The following ZNF704 variants were observed in gnomAD, a reference collection of about 807,000 sequenced individuals.
ZNF704 encodes the protein glucocorticoid induced gene 1.
ZNF704 carries 10 observed loss-of-function variants against 44.7 expected under a neutral mutation model. That is an observed-to-expected ratio of 0.22 (90% confidence interval 0.14 to 0.38). ZNF704 has a LOEUF of 0.38. Ranked by LOEUF, ZNF704 falls within the 10% of genes least tolerant of loss-of-function variation. The pLI, the probability that ZNF704 is intolerant of heterozygous loss-of-function variation, is 1.00. For synonymous variants in ZNF704, 211 were observed against 207.6 expected (o/e 1.02, Z -0.14); for missense variants, 390 against 545.5 (o/e 0.71, Z 2.84).
At chr8:80,728,487 G>A (rs760021587) in intron 2 of ZNF704, among the ~76,000 whole-genome samples, 2 of 152,204 alleles carry the variant, frequency 1.3e-5, no homozygotes, top group Non-Finnish European at 2.9e-5. Flanking sequence ...ATTTTGTAAA[G>A]GAGGTGGGGG....
chr8:80,813,921 T>A (rs1189411171), intron 2 of ZNF704, among the ~76,000 whole-genome samples: 1 of 152,152 alleles, frequency 6.6e-6, no homozygotes, highest in African/African-American at 2.4e-5. Context: ...ACATCAATGT[T>A]ACTAGGGTTA....
intron 4 of ZNF704, among the ~76,000 whole-genome samples, chr8:80,672,313 G>C (rs7841261): frequency 0.15 from 23,112 of 152,122 alleles, 3,342 homozygotes; most frequent in African/African-American, 0.38. Context: ...ATATACACTG[G>C]TGACGGGAGT....
Position 80,655,884 on chromosome 8 carries a change from C to G in ZNF704, c.1032+3701G>C, listed in dbSNP as rs546241160. On this transcript the variant is annotated intron_variant, in intron 7 of 8. Coordinates refer to ENST00000327835, the MANE Select transcript of ZNF704 (RefSeq NM_001033723.3). ...AGCACTGCTATTTCAGCTTTGGAGACCCTCCCCAACAGCCTGAAGCCTCCT... is the reference window on the plus strand; with the variant it reads ...AGCACTGCTATTTCAGCTTTGGAGAGCCTCCCCAACAGCCTGAAGCCTCCT... Among the ~76,000 whole-genome samples, 3 of 152,288 alleles carry G rather than the reference C, an allele frequency of 2.0e-5. No individual in the cohort carries two copies. The East Asian group carries it at 5.8e-4, about 29-fold the overall frequency.
chr8:80,716,641 T>C lies in ZNF704; in HGVS notation c.222-23534A>G, dbSNP rs888577561. Reference sequence around the variant, plus strand: ...TCTAATTGCATGTTCAGAAAACTTCTAATACATGTTAAGTCCTTTAAACTG... The same window carrying C: ...TCTAATTGCATGTTCAGAAAACTTCCAATACATGTTAAGTCCTTTAAACTG... On this transcript the variant is annotated intron_variant, in intron 2 of 8. Transcript: ENST00000327835. 3.3e-5 allele frequency among the ~76,000 whole-genome samples: 5 copies of C among 152,372 alleles called. No individual in the cohort carries two copies. In the South Asian group the frequency reaches 6.2e-4, roughly 19 times the overall value.
At chr8:80,722,725 A>G (rs1238057447) in intron 2 of ZNF704, among the ~76,000 whole-genome samples, 1 of 152,058 alleles carries the variant, frequency 6.6e-6, no homozygotes, top group Non-Finnish European at 1.5e-5. Flanking sequence ...TTCTATGTAC[A>G]CTCTCTACTG....
At chr8:80,648,866 C>G (rs1817871553) in intron 7 of ZNF704, among the ~76,000 whole-genome samples, 1 of 152,208 alleles carries the variant, frequency 6.6e-6, no homozygotes, top group Admixed American at 6.5e-5. Flanking sequence ...GACTTGAACA[C>G]AGCTGGCCTT....
At chr8:80,752,210 C>T (rs978811187) in intron 2 of ZNF704, among the ~76,000 whole-genome samples, 2 of 151,934 alleles carry the variant, frequency 1.3e-5, no homozygotes, top group Non-Finnish European at 2.9e-5. Context: ...CACTACTTTG[C>T]AGTATTTCCT....
At chr8:80,655,294 C>G (rs1404214906) in intron 7 of ZNF704, among the ~76,000 whole-genome samples, 1 of 151,658 alleles carries the variant, frequency 6.6e-6, no homozygotes, top group African/African-American at 2.4e-5. Flanking sequence ...ATGTAACAAA[C>G]CTGCACGTTG....
chr8:80,779,609 G>C (rs183947514), intron 2 of ZNF704, among the ~76,000 whole-genome samples: 30 of 152,032 alleles, frequency 2.0e-4, no homozygotes, highest in African/African-American at 7.2e-4. Context: ...AAGGAAAATA[G>C]TATGTATTTC....
At chr8:80,717,588 G>A (rs1819091424) in intron 2 of ZNF704, among the ~76,000 whole-genome samples, 1 of 152,158 alleles carries the variant, frequency 6.6e-6, no homozygotes, top group Admixed American at 6.5e-5. Context: ...TGAACTCTAG[G>A]TTCTTTTGCT....
rs985765148 is a variant in ZNF704 at position 80,635,617 on chromosome 8, G to A, written c.*5749C>T. On this transcript the variant is annotated 3_prime_UTR_variant, in exon 9 of 9. Coordinates refer to ENST00000327835, the MANE Select transcript of ZNF704 (RefSeq NM_001033723.3). ...TATCTGTGATTCTGGTAGGTCAAGTGGTAAACTTGTCTTTGTGACACAGAA... is the reference window on the plus strand; with the variant it reads ...TATCTGTGATTCTGGTAGGTCAAGTAGTAAACTTGTCTTTGTGACACAGAA... 1.3e-5 allele frequency: 2 copies of A among 151,876 alleles called. No individual in the cohort carries two copies. The highest frequency in any genetic ancestry group is 4.8e-5 in the African/African-American group (2 of 41,338). 9.4% of individuals were successfully genotyped at this position (151,876 alleles called of 1,614,324 possible).
rs557798760 is a variant in ZNF704 at position 80,661,701 on chromosome 8, C to T, written c.928-2012G>A. ...AATAAGCTAGGCACTTGAAGATAAA[C>T]ATCACATGTTCTCACTCATATGTGG... is the stretch of plus-strand genomic sequence containing the variant. On this transcript the variant is annotated intron_variant, in intron 6 of 8. Coordinates refer to ENST00000327835, the MANE Select transcript of ZNF704 (RefSeq NM_001033723.3). Among the ~76,000 whole-genome samples the T allele has an allele frequency of 3.3e-5, 5 of 152,258 alleles. No homozygotes were observed. The South Asian group carries it at 8.3e-4, about 25-fold the overall frequency.
At chr8:80,845,773 T>G (rs1194362640) in intron 1 of ZNF704, among the ~76,000 whole-genome samples, 1 of 152,146 alleles carries the variant, frequency 6.6e-6, no homozygotes, top group Non-Finnish European at 1.5e-5. Flanking sequence ...TGTTAATGGC[T>G]TGAGCGATGC....
At chr8:80,690,037 T>C (rs1818605842) in intron 3 of ZNF704, among the ~76,000 whole-genome samples, 1 of 150,558 alleles carries the variant, frequency 6.6e-6, no homozygotes, top group Admixed American at 6.6e-5. Flanking sequence ...TGTGCAATAA[T>C]TCTAGAGAAA....
chr8:80,785,139 T>C (rs1807593797), intron 2 of ZNF704, among the ~76,000 whole-genome samples: 1 of 152,206 alleles, frequency 6.6e-6, no homozygotes, highest in African/African-American at 2.4e-5. Flanking sequence ...TCTTGCTGGC[T>C]GTGATGTTTC....
At chr8:80,659,539 A>G in intron 7 of ZNF704, 46 bp downstream of exon 7, 1 of 1,521,342 alleles carries the variant, frequency 6.6e-7, no homozygotes, top group South Asian at 1.1e-5. Context: ...AATTTAGTCT[A>G]CATTGGCTTT....
At position 80,749,156 on chromosome 8, in the gene ZNF704, A is replaced by G. The variant is rs558325266; in HGVS notation, c.222-56049T>C. 2.4e-4 allele frequency among the ~76,000 whole-genome samples: 36 copies of G among 152,264 alleles called. 1 individual carries two copies. The South Asian group carries it at 7.3e-3, about 31-fold the overall frequency. The stretch of plus-strand genomic sequence containing the variant: ...AATGACCAACAGCCTTCACCTCCCT[A>G]GTAGATCAGGAGCCCTTTATTTACT... On this transcript the variant is annotated intron_variant, in intron 2 of 8. Transcript: ENST00000327835.
intron 5 of ZNF704, among the ~76,000 whole-genome samples, chr8:80,665,451 A>G (rs950052249): frequency 1.3e-5 from 2 of 149,474 alleles, no homozygotes; most frequent in Non-Finnish European, 3.0e-5. Context: ...AAAGAAACAG[A>G]TATTAAGTGG....
At chr8:80,673,369 C>A (rs983011306) in intron 4 of ZNF704, 1 of 152,210 alleles carries the variant, frequency 6.6e-6, no homozygotes, top group South Asian at 2.1e-4. Flanking sequence ...GGAACCTCCA[C>A]TGACCTGACT....
Sources: gnomAD v4.1 joint callset for allele counts (sites outside exome capture counted in the v4.1 genomes callset) on GRCh38, gnomAD v4.1.1 for gene constraint, MANE v1.5 for transcripts, NCBI Gene and HGNC (gene_info 2026-07-23, HGNC 2026-07-21) for gene names.